The following DDX27 variants were observed in gnomAD, a reference collection of about 807,000 sequenced individuals.
DDX27 encodes probable ATP-dependent RNA helicase DDX27.
In DDX27, 42 loss-of-function variants were observed where a neutral mutation model predicts 99.3. That is an observed-to-expected ratio of 0.42 (90% CI 0.33 to 0.55). The LOEUF is 0.55. DDX27 is among the 20% of genes least tolerant of loss of function. The pLI, the probability that DDX27 is intolerant of heterozygous loss-of-function variation, is 0.07. For synonymous variants in DDX27, 329 were observed against 353.8 expected, an observed-to-expected ratio of 0.93 and a Z score of 0.79; for missense variants, 798 against 976.8, an observed-to-expected ratio of 0.82 and a Z score of 2.44.
Position 49,226,470 on chromosome 20 carries a change from A to G in DDX27, c.641A>G (p.Gln214Arg). 1 of 1,614,072 alleles carries G rather than the reference A, an allele frequency of 6.2e-7. No homozygotes were observed. Among genetic ancestry groups the G allele is most frequent in the Non-Finnish European group, 8.5e-7 (1 of 1,180,002 alleles). ...GGCTTCAAGCAGCCCACCCCGATCC[A>G]GAAGGCGTGCATACCTGTGGGTCTA... ...AMGFKQPTPI[Q>R]KACIPVGLLG... is the part of the protein sequence containing the mutation. The change falls in exon 7 of 21, where the codon CAG (glutamine) becomes CGG (arginine). Residue 214 changes from glutamine (Q) to arginine (R), a missense_variant. By Grantham distance (43) the Gln-to-Arg change is conservative. Coordinates refer to ENST00000618172, the MANE Select transcript of DDX27 (RefSeq NM_017895.8).
chr20:49,228,998 G>T, intron 8 of DDX27, 110 bp downstream of exon 8: 7 of 835,040 alleles, frequency 8.4e-6, no homozygotes, highest in South Asian at 2.7e-5. Context: ...AGAGGCCTTT[G>T]TGTTGATTGA....
chr20:49,220,057 T>G (rs1979585588), intron 1 of DDX27, among the ~76,000 whole-genome samples: 1 of 152,120 alleles, frequency 6.6e-6, no homozygotes, highest in South Asian at 2.1e-4. Flanking sequence ...GGTATTGGTG[T>G]TCTGAAAAGG....
intron 11 of DDX27, 106 bp downstream of exon 11, chr20:49,233,815 C>T: frequency 7.6e-7 from 1 of 1,322,344 alleles, no homozygotes; most frequent in Non-Finnish European, 1.1e-6. Context: ...GCCGTCCAGT[C>T]TTCCCCAGCG....
rs1316434121 is a variant in DDX27 at position 49,225,096 on chromosome 20, T to G, written c.514-17T>G. The G allele has an allele frequency of 3.7e-6, 6 of 1,613,336 alleles. No homozygotes were observed. The African/African-American group carries it at 4.0e-5, about 11-fold the overall frequency. ...TTTTTGTTGAATTCTCTTCTCTCTT[T>G]TGGTTTTCTGGTGTAGGAAGCAGGA... is the stretch of plus-strand genomic sequence containing the variant. On this transcript the variant is annotated splice_polypyrimidine_tract_variant and intron_variant, in intron 5 of 20. Transcript: ENST00000618172.
Position 49,238,938 on chromosome 20 carries a change from C to A in DDX27, c.1688-11C>A. The A allele has an allele frequency of 1.9e-6, 3 of 1,599,874 alleles. No individual in the cohort carries two copies. The highest frequency in any genetic ancestry group is 2.6e-6 in the Non-Finnish European group (3 of 1,167,274). On this transcript the variant is annotated splice_polypyrimidine_tract_variant and intron_variant, in intron 14 of 20. Coordinates refer to ENST00000618172, the MANE Select transcript of DDX27 (RefSeq NM_017895.8). ...CTTATTTGTAAATCCTTTTTATTTT[C>A]TCCCATTGAGATGTCATCCTCAAAT...
intron 16 of DDX27, among the ~76,000 whole-genome samples, chr20:49,240,387 A>G (rs1244807112): frequency 1.3e-5 from 2 of 152,106 alleles, no homozygotes; most frequent in East Asian, 3.8e-4. Context: ...CTTAATTTTG[A>G]AGCTTAGAGA....
In DDX27 at chr20:49,223,386, C is replaced by T. The variant is rs778839344; in HGVS notation, c.419C>T (p.Ser140Leu). 6 of 1,613,626 alleles carry T rather than the reference C, an allele frequency of 3.7e-6. No homozygotes were observed. The Admixed American group carries it at 5.0e-5, about 13-fold the overall frequency. The change falls in exon 4 of 21, where the codon TCG (serine) becomes TTG (leucine). Residue 140 changes from serine (S) to leucine (L), a missense_variant. Coordinates refer to ENST00000618172, the MANE Select transcript of DDX27 (RefSeq NM_017895.8). ...GAGGAAGGCTCAGAAGATGAAGCCT[C>T]GGAGACTGACTACTCATCAGCTGAT... ...NDEEGSEDEA[S>L]ETDYSSADEN...
At chr20:49,234,809 C>T (rs1980250659) in intron 11 of DDX27, 126 bp from the exon 12 acceptor site, 1 of 1,140,804 alleles carries the variant, frequency 8.8e-7, no homozygotes, top group Non-Finnish European at 1.2e-6. Flanking sequence ...TTGAGTTCCA[C>T]AGGACAGGGA....
chr20:49,226,368 G>A, intron 6 of DDX27, 62 bp from the exon 7 acceptor site: 3 of 1,344,326 alleles, frequency 2.2e-6, no homozygotes, highest in South Asian at 2.6e-5. Flanking sequence ...AACCTGCCCT[G>A]TTTGTGTTGT....
Position 49,223,314 on chromosome 20 carries a change from A to G in DDX27, c.347A>G (p.Lys116Arg), listed in dbSNP as rs774091157. ...AAGTTGGAAAAGGAGAAAGAAGCAA[A>G]GGAAGGCTCTGAACCAAAGGAGCAG... ...SGKLEKEKEAKEGSEPKEQED... is the reference protein window; with the variant it reads ...SGKLEKEKEAREGSEPKEQED... The change falls in exon 4 of 21, where the codon AAG becomes AGG. Residue 116 changes from lysine to arginine, a missense_variant. This residue lies in a region of DDX27 where 245 missense variants were observed against 248.8 expected (regional missense o/e 0.98). Coordinates refer to ENST00000618172, the MANE Select transcript of DDX27 (RefSeq NM_017895.8). 1 of 1,613,668 alleles carries G rather than the reference A, an allele frequency of 6.2e-7. No homozygotes were observed. The highest frequency in any genetic ancestry group is 1.1e-5 in the South Asian group (1 of 91,000).
Position 49,224,697 on chromosome 20 carries a change from G to A in DDX27, c.467-248G>A, listed in dbSNP as rs2146707288. On this transcript the variant is annotated intron_variant, in intron 4 of 20. Transcript: ENST00000618172. ...ATTTCTTGCAGAAATGTGTGCTAAA[G>A]CATCATAATACAGTGTAGTGGTCGA... is the stretch of plus-strand genomic sequence containing the variant. 1.3e-5 allele frequency: 6 copies of A among 479,866 alleles called. No individual in the cohort carries two copies. In the East Asian group the frequency reaches 2.0e-4, roughly 16 times the overall value. 29.7% of individuals were successfully genotyped at this position (479,866 alleles called of 1,614,324 possible).
At chr20:49,222,903 TTA>T in intron 2 of DDX27, 52 bp from the exon 3 acceptor site, 1 of 1,472,150 alleles carries the variant, frequency 6.8e-7, no homozygotes, top group Non-Finnish European at 9.2e-7. Context: ...GTTTGTTCTC[TTA>T]TTCGATGTTT....
Position 49,233,686 on chromosome 20 carries a change from G to A in DDX27, c.1250G>A (p.Gly417Glu). ...EFIRIRPNRE[G>E]DREAIVAALL... ...ATCCGGATCCGGCCTAATCGTGAAGGAGACCGGGAAGCCATCGTGGCAGGT... is the reference window on the plus strand; with the variant it reads ...ATCCGGATCCGGCCTAATCGTGAAGAAGACCGGGAAGCCATCGTGGCAGGT... Residue 417 changes from glycine (G) to glutamate (E), a missense_variant, in exon 11 of 21, where the codon GGA becomes GAA. Transcript: ENST00000618172. 1 of 1,613,878 alleles carries A rather than the reference G, an allele frequency of 6.2e-7. No individual in the cohort carries two copies. The highest frequency in any genetic ancestry group is 8.5e-7 in the Non-Finnish European group (1 of 1,179,928).
chr20:49,230,406 G>T (rs1421981103), intron 9 of DDX27, 57 bp downstream of exon 9: 3 of 1,550,410 alleles, frequency 1.9e-6, no homozygotes, highest in Non-Finnish European at 2.6e-6. Flanking sequence ...CCAGAACCTG[G>T]ATGTGGACCT....
Position 49,228,891 on chromosome 20 carries a change from G to C in DDX27, c.880+3G>C, listed in dbSNP as rs1240440062. 2 of 1,584,720 alleles carry C rather than the reference G, an allele frequency of 1.3e-6. No individual in the cohort carries two copies. Among genetic ancestry groups the C allele is most frequent in the Non-Finnish European group, 1.7e-6 (2 of 1,160,334 alleles). On this transcript the variant is annotated splice_donor_region_variant and intron_variant, in intron 8 of 20. Transcript: ENST00000618172. ...CATCACCACCTGCCTGGCTGTGGGT[G>C]AGTTTCTGGCCAAGGGCTGCCAGCC... is the stretch of plus-strand genomic sequence containing the variant.
chr20:49,242,160 C>T lies in DDX27; in HGVS notation c.2070C>T (p.Ala690=), dbSNP rs749673809. ...AERLAKRNRR[A]KRARAMPEEE... is the part of the protein sequence containing the mutation. ...GGCTAGCGAAGAGGAATCGCAGAGC[C>T]AAGCGGGCCCGAGCAATGCCCGAGG... The change falls in exon 18 of 21, where the codon GCC becomes GCT. Residue 690 remains alanine, a synonymous_variant. Transcript: ENST00000618172. 5.3e-5 allele frequency: 86 copies of T among 1,614,158 alleles called. No individual in the cohort carries two copies. The highest frequency in any genetic ancestry group is 7.0e-5 in the Non-Finnish European group (83 of 1,180,002).
At chr20:49,224,602 A>T (rs13040828) in intron 4 of DDX27, among the ~76,000 whole-genome samples, 46,433 of 151,978 alleles carry the variant, frequency 0.31, 8,336 homozygotes, top group Middle Eastern at 0.46. Flanking sequence ...ACCTCAGGTG[A>T]TCCACCTGCC....
rs371294580 is a variant in DDX27, at chr20:49,227,087, C to T, written c.706+552C>T. ...CCGTTTTAGCCGGGATGGTCTTGAT[C>T]TCCTGACCTCGTGATCCGCCCGCCT... On this transcript the variant is annotated intron_variant, in intron 7 of 20. Coordinates refer to ENST00000618172, the MANE Select transcript of DDX27 (RefSeq NM_017895.8). Among the ~76,000 whole-genome samples the T allele has an allele frequency of 7.1e-4, 106 of 150,276 alleles. 2 individuals are homozygous for T. In the East Asian group the frequency reaches 0.021, roughly 29 times the overall value.
At chr20:49,225,279 A>G in intron 6 of DDX27, 80 bp downstream of exon 6, 1 of 1,179,880 alleles carries the variant, frequency 8.5e-7, no homozygotes, top group Non-Finnish European at 1.3e-6. Context: ...AATTCCTGGC[A>G]TCAAGCAATC....
Sources: allele counts gnomAD v4.1 joint callset (sites outside exome capture counted in the v4.1 genomes callset), GRCh38; gene constraint gnomAD v4.1.1; regional missense constraint gnomAD v4.1.1; transcripts MANE v1.5; gene names NCBI Gene and HGNC (gene_info 2026-07-23, HGNC 2026-07-21).